Variants in TAOK1 observed in about 807,000 individuals in gnomAD.
TAOK1 encodes TAO kinase 1.
In TAOK1, 21 loss-of-function variants were observed where a neutral mutation model predicts 138.3. That is an observed-to-expected ratio of 0.15 (90% CI 0.11 to 0.22). The LOEUF (loss-of-function observed/expected upper bound fraction) is 0.22, where lower values mean the gene tolerates loss of function less well. TAOK1 is among the 10% of genes least tolerant of loss of function. The pLI is 1.00. For missense variants in TAOK1, 651 were observed against 1,227.7 expected, an observed-to-expected ratio of 0.53 and a Z score of 7.02; for synonymous variants, 361 against 398.4, an observed-to-expected ratio of 0.91 and a Z score of 1.12.
chr17:29,407,362 A>G (rs1488484569), intron 1 of TAOK1, among the ~76,000 whole-genome samples: 1 of 152,132 alleles, frequency 6.6e-6, no homozygotes, highest in Non-Finnish European at 1.5e-5. Context: ...TCTCAACACA[A>G]TGCTCTTCTC....
intron 8 of TAOK1, among the ~76,000 whole-genome samples, chr17:29,485,644 A>G (rs557256028): frequency 2.4e-4 from 35 of 148,180 alleles, no homozygotes; most frequent in Admixed American, 1.5e-3. Context: ...TTCTAAACAA[A>G]CAAATTAATT....
intron 19 of TAOK1, among the ~76,000 whole-genome samples, chr17:29,539,519 C>T (rs1312886717): frequency 6.6e-6 from 1 of 152,174 alleles, no homozygotes; most frequent in Non-Finnish European, 1.5e-5. Flanking sequence ...TCACAGCAAC[C>T]TCCGGCTCCC....
At chr17:29,460,874 T>C in intron 2 of TAOK1, among the ~76,000 whole-genome samples, 1 of 152,162 alleles carries the variant, frequency 6.6e-6, no homozygotes, top group Non-Finnish European at 1.5e-5. Flanking sequence ...TTTTAATCAG[T>C]AGAATAAAGA....
intron 1 of TAOK1, among the ~76,000 whole-genome samples, chr17:29,435,429 G>C (rs1270084304): frequency 6.6e-6 from 1 of 152,150 alleles, no homozygotes; most frequent in Non-Finnish European, 1.5e-5. Context: ...CTAAAGTATA[G>C]CAAGAATAAT....
chr17:29,439,147 T>G (rs915587418), intron 1 of TAOK1, among the ~76,000 whole-genome samples: 5 of 152,088 alleles, frequency 3.3e-5, no homozygotes, highest in African/African-American at 1.2e-4. Context: ...ATAGTATTCT[T>G]ATCAAATATA....
chr17:29,412,379 T>C (rs1329923799), intron 1 of TAOK1, among the ~76,000 whole-genome samples: 2 of 151,856 alleles, frequency 1.3e-5, no homozygotes, highest in African/African-American at 4.8e-5. Context: ...CAGCACACTT[T>C]GCCTATGTTT....
In TAOK1 at chr17:29,489,639, C is replaced by T. The variant is rs749783968; in HGVS notation, c.656-25C>T. The T allele has an allele frequency of 5.2e-6, 8 of 1,534,502 alleles. No homozygotes were observed. In the South Asian group the frequency reaches 8.3e-5, roughly 16 times the overall value. ...TGAGTACCCCTGGAACCTATTTTAA[C>T]AGGAATGTTTCCTTTCTTTTACAGC... On this transcript the variant is annotated intron_variant, in intron 8 of 19. Transcript: ENST00000261716.
At chr17:29,503,395 CAAAAAA>C (rs5819870) in intron 13 of TAOK1, among the ~76,000 whole-genome samples, 3 of 84,992 alleles carry the variant, frequency 3.5e-5, no homozygotes, top group African/African-American at 9.7e-5. Flanking sequence ...GACTCTGTCT[CAAAAAA>C]AAAAAAAAAA....
At chr17:29,541,851 CTT>C (rs1007446435) in intron 19 of TAOK1, among the ~76,000 whole-genome samples, 8 of 151,944 alleles carry the variant, frequency 5.3e-5, no homozygotes, top group East Asian at 1.9e-4. Flanking sequence ...AGGGACATCT[CTT>C]TTTATTTTTT....
At chr17:29,533,505 G>A (rs2032165797) in intron 18 of TAOK1, among the ~76,000 whole-genome samples, 1 of 152,022 alleles carries the variant, frequency 6.6e-6, no homozygotes, top group Admixed American at 6.6e-5. Context: ...GGAGGTGGAG[G>A]TTGTAGCGAG....
chr17:29,471,821 C>T (rs2030825402), intron 3 of TAOK1, among the ~76,000 whole-genome samples: 1 of 152,206 alleles, frequency 6.6e-6, no homozygotes, highest in Non-Finnish European at 1.5e-5. Flanking sequence ...CAGCATTTTA[C>T]CCATGATAAA....
chr17:29,403,235 T>G (rs1345643301), intron 1 of TAOK1, among the ~76,000 whole-genome samples: 1 of 151,762 alleles, frequency 6.6e-6, no homozygotes, highest in East Asian at 1.9e-4. Flanking sequence ...ATGTTTTAGT[T>G]GATGTTTTTA....
chr17:29,522,152 T>A, intron 16 of TAOK1, 128 bp from the exon 17 acceptor site: 1 of 1,237,288 alleles, frequency 8.1e-7, no homozygotes, highest in Non-Finnish European at 1.1e-6. Context: ...ACCCTCTTAT[T>A]TACTATGCAA....
chr17:29,408,713 T>C (rs186481382), intron 1 of TAOK1, among the ~76,000 whole-genome samples: 6 of 150,870 alleles, frequency 4.0e-5, no homozygotes, highest in African/African-American at 1.5e-4. Context: ...ATTTCTTTCT[T>C]TTTTTTTTAT....
intron 2 of TAOK1, among the ~76,000 whole-genome samples, chr17:29,459,728 T>C (rs1401657445): frequency 2.0e-5 from 3 of 152,228 alleles, no homozygotes; most frequent in Non-Finnish European, 4.4e-5. Context: ...GATATCTCTT[T>C]GATAATACTA....
intron 3 of TAOK1, among the ~76,000 whole-genome samples, chr17:29,471,719 G>A (rs923202537): frequency 6.6e-6 from 1 of 152,152 alleles, no homozygotes; most frequent in African/African-American, 2.4e-5. Context: ...TAAGGTGGCT[G>A]TGGCAATTTC....
At chr17:29,397,841 A>ACATG in intron 1 of TAOK1, among the ~76,000 whole-genome samples, 1 of 149,554 alleles carries the variant, frequency 6.7e-6, no homozygotes, top group Middle Eastern at 3.5e-3. Flanking sequence ...ATATGTGTAT[A>ACATG]TATATATATG....
rs182750487 is a variant in TAOK1, at chr17:29,549,276, G to A, written c.*6254G>A. ...TGTAGCCAAAGTATTAAAGGCTGATGAACATAGACAAGGGAAATGCATTTC... is the reference window on the plus strand; with the variant it reads ...TGTAGCCAAAGTATTAAAGGCTGATAAACATAGACAAGGGAAATGCATTTC... On this transcript the variant is annotated 3_prime_UTR_variant, in exon 20 of 20. Coordinates refer to ENST00000261716, the MANE Select transcript of TAOK1 (RefSeq NM_020791.4). 7 of 152,308 alleles carry A rather than the reference G, an allele frequency of 4.6e-5. No homozygotes were observed. The highest frequency in any genetic ancestry group is 8.8e-5 in the Non-Finnish European group (6 of 68,012). 9.4% of individuals were successfully genotyped at this position (152,308 alleles called of 1,614,324 possible).
chr17:29,460,407 G>A (rs1458530794), intron 2 of TAOK1, among the ~76,000 whole-genome samples: 1 of 152,128 alleles, frequency 6.6e-6, no homozygotes, highest in African/African-American at 2.4e-5. Context: ...GGCCAGGCTG[G>A]TCTCGAACTC....
Sources: allele counts gnomAD v4.1 joint callset (sites outside exome capture counted in the v4.1 genomes callset), GRCh38; gene constraint gnomAD v4.1.1; transcripts MANE v1.5; gene names NCBI Gene and HGNC (gene_info 2026-07-23, HGNC 2026-07-21).